CRB1: variants seen among roughly 807,000 people sequenced by gnomAD.
CRB1 encodes crumbs cell polarity complex component 1.
A neutral mutation model predicts 120.0 loss-of-function variants in CRB1; 83 were observed. The observed-to-expected ratio is 0.69, with a 90% CI of 0.58 to 0.83. The LOEUF (loss-of-function observed/expected upper bound fraction) is 0.83. CRB1 is among the 40% of genes least tolerant of loss of function. CRB1 has a pLI of 0.00. For synonymous variants in CRB1, 625 were observed against 612.5 expected, an observed-to-expected ratio of 1.02 and a Z score of -0.30; for missense variants, 1,699 against 1,687.6, an observed-to-expected ratio of 1.01 and a Z score of -0.12.
intron 1 of CRB1, among the ~76,000 whole-genome samples, chr1:197,302,449 ACTGAACCTACAATATCT>A (rs1270126696): frequency 6.6e-6 from 1 of 152,174 alleles, no homozygotes; most frequent in Non-Finnish European, 1.5e-5. Flanking sequence ...GTAGTCTGGA[ACTGAACCTACAATATCT>A]CTGAGGTATG....
chr1:197,237,364 A>T, the CRB1 span, among the ~76,000 whole-genome samples: 1 of 152,218 alleles, frequency 6.6e-6, no homozygotes, highest in Admixed American at 6.5e-5. Context: ...ATCTGGTGAG[A>T]GCCTCTTTCT....
At position 197,409,888 on chromosome 1, in the gene CRB1, A is replaced by G. The variant is rs538322553; in HGVS notation, c.1172-11112A>G. Reference sequence around the variant, plus strand: ...AGCTCCGCCTCCAGGGGTTCATGCCACACACCTGCCTCAGCCTCCTCAGTA... The same window carrying G: ...AGCTCCGCCTCCAGGGGTTCATGCCGCACACCTGCCTCAGCCTCCTCAGTA... On this transcript the variant is annotated intron_variant, in intron 5 of 11. Coordinates refer to ENST00000367400, the MANE Select transcript of CRB1 (RefSeq NM_201253.3). 2.1e-3 allele frequency among the ~76,000 whole-genome samples: 315 copies of G among 152,124 alleles called. 2 individuals carry two copies. The highest frequency in any genetic ancestry group is 7.4e-3 in the African/African-American group (308 of 41,516).
At chr1:197,255,996 T>TATAC in the CRB1 span, among the ~76,000 whole-genome samples, 2,523 of 116,464 alleles carry the variant, frequency 0.022, 92 homozygotes, top group African/African-American at 0.069. Flanking sequence ...TATATATATA[T>TATAC]ACACTACAAT....
At chr1:197,377,334 A>C (rs1661702372) in intron 5 of CRB1, among the ~76,000 whole-genome samples, 1 of 152,186 alleles carries the variant, frequency 6.6e-6, no homozygotes, top group Non-Finnish European at 1.5e-5. Flanking sequence ...CCTAGCCCAT[A>C]ACAGGAGGCC....
chr1:197,299,100 A>G (rs888533586), intron 1 of CRB1, among the ~76,000 whole-genome samples: 1 of 152,140 alleles, frequency 6.6e-6, no homozygotes, highest in Non-Finnish European at 1.5e-5. Flanking sequence ...CATGGCATAC[A>G]GTCAACAAGA....
intron 11 of CRB1, among the ~76,000 whole-genome samples, chr1:197,453,781 A>G (rs911206327): frequency 7.0e-6 from 1 of 143,528 alleles, no homozygotes; most frequent in Non-Finnish European, 1.5e-5. Context: ...TATTATTATT[A>G]TTATATTATT....
intron 11 of CRB1, 55 bp from the exon 12 acceptor site, chr1:197,477,591 GTAGTTCCATTGTCCTGAA>G (rs1405638103): frequency 7.1e-7 from 1 of 1,402,620 alleles, no homozygotes. Flanking sequence ...TCATTCCTGA[GTAGTTCCATTGTCCTGAA>G]TATTTATTTG....
chr1:197,292,362 G>C (rs142572752), intron 1 of CRB1, among the ~76,000 whole-genome samples: 1 of 151,972 alleles, frequency 6.6e-6, no homozygotes, highest in Non-Finnish European at 1.5e-5. Flanking sequence ...ACTAAGCCAG[G>C]AAGTTGAATC....
chr1:197,312,510 A>T (rs1657593630), intron 1 of CRB1, among the ~76,000 whole-genome samples: 1 of 152,236 alleles, frequency 6.6e-6, no homozygotes, highest in Non-Finnish European at 1.5e-5. Flanking sequence ...TGAACCCAGG[A>T]TGGGGAGGTT....
intron 4 of CRB1, 49 bp downstream of exon 4, chr1:197,347,528 A>G (rs750440113): frequency 2.5e-6 from 4 of 1,572,870 alleles, no homozygotes; most frequent in African/African-American, 1.3e-5. Flanking sequence ...TGTTTAGAAT[A>G]CACATATCGC....
the CRB1 span, among the ~76,000 whole-genome samples, chr1:197,211,772 TAAAG>T: frequency 3.3e-5 from 5 of 151,732 alleles, no homozygotes; most frequent in South Asian, 4.2e-4. Flanking sequence ...TCTATAGAAT[TAAAG>T]AATCAACAAA....
chr1:197,425,140 C>T (rs1293933442), intron 6 of CRB1, among the ~76,000 whole-genome samples: 4 of 152,190 alleles, frequency 2.6e-5, no homozygotes, highest in Admixed American at 2.6e-4. Flanking sequence ...ATCTTCAAAC[C>T]TCAGGGGCTT....
intron 5 of CRB1, among the ~76,000 whole-genome samples, chr1:197,419,363 C>CT (rs68004200): frequency 1.5e-4 from 19 of 127,272 alleles, no homozygotes; most frequent in African/African-American, 4.5e-4. Context: ...AGATTGGATT[C>CT]TTTTTTTTTT....
chr1:197,370,810 C>A (rs1040220200), intron 5 of CRB1, among the ~76,000 whole-genome samples: 1 of 152,160 alleles, frequency 6.6e-6, no homozygotes, highest in Admixed American at 6.5e-5. Context: ...TCCTCAGTCA[C>A]TGATTACCTT....
At position 197,449,318 on chromosome 1, in the gene CRB1, T is replaced by C. The variant is rs143034535; in HGVS notation, c.4005+7026T>C. 6.8e-4 allele frequency among the ~76,000 whole-genome samples: 104 copies of C among 152,254 alleles called. No homozygotes were observed. The East Asian group carries it at 0.02, about 29-fold the overall frequency. ...CATTGTAGCTTATACAATGCAGAGA[T>C]TATGAATGAATTCTTTTATGTTTTT... is the stretch of plus-strand genomic sequence containing the variant. On this transcript the variant is annotated intron_variant, in intron 11 of 11. Transcript: ENST00000367400.
the CRB1 span, chr1:197,222,350 A>C: frequency 1.2e-5 from 9 of 751,216 alleles, no homozygotes; most frequent in Non-Finnish European, 2.2e-5. Context: ...ACGTGGCTGC[A>C]TTGTCCATGG....
intron 1 of CRB1, among the ~76,000 whole-genome samples, chr1:197,322,360 G>A (rs1467770403): frequency 6.6e-6 from 1 of 151,818 alleles, no homozygotes; most frequent in African/African-American, 2.4e-5. Flanking sequence ...CTACTCAGGA[G>A]GCTGAGGCAT....
intron 11 of CRB1, among the ~76,000 whole-genome samples, chr1:197,476,489 T>G (rs1038179503): frequency 1.3e-5 from 2 of 151,996 alleles, no homozygotes; most frequent in Admixed American, 1.3e-4. Flanking sequence ...GCTCAGTAAA[T>G]GCTCATAGTA....
chr1:197,456,584 T>C (rs1394113419), intron 11 of CRB1, among the ~76,000 whole-genome samples: 1 of 152,144 alleles, frequency 6.6e-6, no homozygotes, highest in Non-Finnish European at 1.5e-5. Flanking sequence ...AGCCACACTG[T>C]CCATTAGGAA....
Sources: allele counts gnomAD v4.1 joint callset (sites outside exome capture counted in the v4.1 genomes callset), GRCh38; gene constraint gnomAD v4.1.1; transcripts MANE v1.5; gene names NCBI Gene and HGNC (gene_info 2026-07-23, HGNC 2026-07-21).